The following USH2A variants were observed in gnomAD, a reference collection of about 807,000 sequenced individuals.
USH2A encodes the protein usherin, also known as Usher syndrome 2A (autosomal recessive, mild).
Under a neutral mutation model 538.9 loss-of-function variants are expected in USH2A, and 443 were observed. The observed-to-expected ratio is 0.82, with a 90% CI of 0.76 to 0.89. The LOEUF (loss-of-function observed/expected upper bound fraction) is 0.89. USH2A is among the 40% of genes least tolerant of loss of function. The pLI, the probability that USH2A is intolerant of heterozygous loss-of-function variation, is 0.00. For missense variants in USH2A, 6,633 were observed against 6,324.8 expected, an observed-to-expected ratio of 1.05 and a Z score of -1.65; for synonymous variants, 2,413 against 2,273.5, an observed-to-expected ratio of 1.06 and a Z score of -1.75.
intron 49 of USH2A, among the ~76,000 whole-genome samples, chr1:215,809,296 G>A (rs1316074150): frequency 6.6e-6 from 1 of 152,142 alleles, no homozygotes; most frequent in African/African-American, 2.4e-5. Flanking sequence ...ACAATGGTGA[G>A]CTTAGAGGAA....
chr1:215,879,537 T>A (rs1664856980), intron 41 of USH2A, among the ~76,000 whole-genome samples: 1 of 152,184 alleles, frequency 6.6e-6, no homozygotes, highest in Non-Finnish European at 1.5e-5. Flanking sequence ...GCCAAATAAG[T>A]CACTTTTTCT....
chr1:216,134,698 C>G (rs546458603), intron 21 of USH2A, among the ~76,000 whole-genome samples: 1 of 152,192 alleles, frequency 6.6e-6, no homozygotes, highest in East Asian at 1.9e-4. Flanking sequence ...TCAGTGTCAG[C>G]ATTTAGGGCA....
At chr1:216,230,472 T>C (rs1205497002) in intron 14 of USH2A, among the ~76,000 whole-genome samples, 2 of 152,214 alleles carry the variant, frequency 1.3e-5, no homozygotes, top group Non-Finnish European at 2.9e-5. Context: ...TTAAAATATA[T>C]GCATGTATGT....
At chr1:215,835,066 G>A (rs763782585) in intron 47 of USH2A, among the ~76,000 whole-genome samples, 1 of 148,436 alleles carries the variant, frequency 6.7e-6, no homozygotes, top group Non-Finnish European at 1.5e-5. Flanking sequence ...ATCTGTCTGA[G>A]GCTATAATTT....
chr1:215,935,249 C>T (rs529400461), intron 37 of USH2A, among the ~76,000 whole-genome samples: 2 of 151,822 alleles, frequency 1.3e-5, no homozygotes, highest in South Asian at 2.1e-4. Flanking sequence ...TCTGGATATA[C>T]GTATTATACT....
intron 11 of USH2A, among the ~76,000 whole-genome samples, chr1:216,257,932 T>G (rs1199337812): frequency 1.3e-5 from 2 of 152,084 alleles, no homozygotes; most frequent in Admixed American, 1.3e-4. Context: ...TTCCATATTT[T>G]TATGTAGCTT....
chr1:216,373,111 T>C (rs192438037), intron 3 of USH2A, among the ~76,000 whole-genome samples: 5 of 152,314 alleles, frequency 3.3e-5, no homozygotes, highest in African/African-American at 1.2e-4. Context: ...GGTCCTGTTG[T>C]TTGAATATGA....
Position 216,199,873 on chromosome 1 carries a change from A to G in USH2A, c.3565T>C (p.Leu1189=). Reference sequence around the variant, plus strand: ...GAAACACATGGCTGACCACCAGCCAAAGGGGCACAGGACAAAATATATTTC... The same window carrying G: ...GAAACACATGGCTGACCACCAGCCAGAGGGGCACAGGACAAAATATATTTC... The part of the protein sequence containing the change: ...IEKYILSCAP[L]AGGQPCVSYE... The change falls in exon 17 of 72, where the codon TTG becomes CTG. Residue 1189 remains leucine, a synonymous_variant. Coordinates refer to ENST00000307340, the MANE Select transcript of USH2A (RefSeq NM_206933.4). 1 of 1,614,164 alleles carries G rather than the reference A, an allele frequency of 6.2e-7. No homozygotes were observed. Among genetic ancestry groups the G allele is most frequent in the Non-Finnish European group, 8.5e-7 (1 of 1,179,996 alleles).
At chr1:215,628,446 C>T (rs1282074396) in intron 71 of USH2A, among the ~76,000 whole-genome samples, 1 of 152,106 alleles carries the variant, frequency 6.6e-6, no homozygotes, top group Non-Finnish European at 1.5e-5. Context: ...CCACACCTGG[C>T]TAATTTTTGT....
intron 11 of USH2A, among the ~76,000 whole-genome samples, chr1:216,264,376 C>A (rs1360705192): frequency 6.6e-6 from 1 of 152,014 alleles, no homozygotes; most frequent in Non-Finnish European, 1.5e-5. Flanking sequence ...TGGCTCACTG[C>A]AACCTCCACC....
intron 47 of USH2A, among the ~76,000 whole-genome samples, chr1:215,822,651 A>T (rs2102801578): frequency 6.6e-6 from 1 of 151,956 alleles, no homozygotes; most frequent in East Asian, 1.9e-4. Flanking sequence ...GATTTCCAGT[A>T]TTGTGTTGAA....
chr1:216,371,228 A>G (rs1043999921), intron 3 of USH2A, among the ~76,000 whole-genome samples: 6 of 152,208 alleles, frequency 3.9e-5, no homozygotes, highest in Non-Finnish European at 5.9e-5. Flanking sequence ...TCCATGTGAG[A>G]GCTTACATAA....
At chr1:216,005,999 A>G (rs1668382323) in intron 32 of USH2A, among the ~76,000 whole-genome samples, 1 of 152,140 alleles carries the variant, frequency 6.6e-6, no homozygotes, top group African/African-American at 2.4e-5. Flanking sequence ...GCATGCCCCC[A>G]TCACATCTCC....
At chr1:216,323,317 A>G (rs2037655383) in intron 8 of USH2A, among the ~76,000 whole-genome samples, 157 bp downstream of exon 8, 1 of 148,632 alleles carries the variant, frequency 6.7e-6, no homozygotes, top group Admixed American at 6.8e-5. Context: ...TGTTATATAG[A>G]GAAAAGACTC....
At chr1:215,811,386 G>A (rs927663189) in intron 49 of USH2A, among the ~76,000 whole-genome samples, 5 of 152,058 alleles carry the variant, frequency 3.3e-5, no homozygotes, top group South Asian at 2.1e-4. Flanking sequence ...GGTGTTCAAC[G>A]TATTTTTCAC....
intron 64 of USH2A, among the ~76,000 whole-genome samples, chr1:215,657,095 A>C: frequency 6.6e-6 from 1 of 152,240 alleles, no homozygotes; most frequent in East Asian, 1.9e-4. Context: ...ATTCGATCAA[A>C]ATCACTACTT....
intron 22 of USH2A, among the ~76,000 whole-genome samples, chr1:216,092,317 C>G (rs1420141550): frequency 6.6e-6 from 1 of 152,096 alleles, no homozygotes; most frequent in Non-Finnish European, 1.5e-5. Context: ...GACAGACACA[C>G]TAAGTACATA....
chr1:216,239,104 GA>G (rs59434332), intron 13 of USH2A, among the ~76,000 whole-genome samples: 34,866 of 140,928 alleles, frequency 0.25, 4,050 homozygotes, highest in Non-Finnish European at 0.27. Context: ...ATAAAACCAG[GA>G]AAAAAAAAAA....
In USH2A at chr1:216,365,080, A is replaced by T. The variant is rs1345831826; in HGVS notation, c.657T>A (p.His219Gln). The change falls in exon 4 of 72, where the codon CAT becomes CAA. Residue 219 changes from histidine (H) to glutamine (Q), a missense_variant. Physicochemically the swap from His to Gln is conservative, Grantham distance 24 (BLOSUM62 0). Coordinates refer to ENST00000307340, the MANE Select transcript of USH2A (RefSeq NM_206933.4). ...KKWIHLSVQV[H>Q]QTKISFFING... ...TGATAAAGAAGCTGATTTTTGTCTG[A>T]TGCACCTGTAAGAAATTACCACCAT... 1 of 1,612,228 alleles carries T rather than the reference A, an allele frequency of 6.2e-7. No individual in the cohort carries two copies.
Sources: gnomAD v4.1 joint callset for allele counts (sites outside exome capture counted in the v4.1 genomes callset) on GRCh38, gnomAD v4.1.1 for gene constraint, MANE v1.5 for transcripts, NCBI Gene and HGNC (gene_info 2026-07-23, HGNC 2026-07-21) for gene names.